The following KLC1 variants were observed in gnomAD, a reference collection of about 807,000 sequenced individuals.
The protein encoded by KLC1 is kinesin light chain 1.
In KLC1, 30 loss-of-function variants were observed where a neutral mutation model predicts 84.2. The observed-to-expected ratio is 0.36, with a 90% CI of 0.27 to 0.48. The LOEUF (loss-of-function observed/expected upper bound fraction) is 0.48. Among genes scored for constraint, KLC1 ranks in the 20% least tolerant of loss-of-function variants. KLC1 has a pLI of 0.99. For missense variants in KLC1, 499 were observed against 805.4 expected (o/e 0.62, Z 4.60); for synonymous variants, 289 against 293.3 (o/e 0.99, Z 0.15).
rs778626661 is a variant in KLC1, at chr14:103,699,218, G to A, written c.1849-1437G>A. The A allele has an allele frequency of 9.1e-6, 14 of 1,545,978 alleles. No individual in the cohort carries two copies. In the Admixed American group the frequency reaches 2.1e-4, roughly 23 times the overall value. On this transcript the variant is annotated intron_variant, in intron 15 of 16. Transcript: ENST00000334553. ...GTCCAGGTCAGCTGCAACGGCTGAGGGTCTTCTCGATGGTTAGGCACAGGC... is the reference window on the plus strand; with the variant it reads ...GTCCAGGTCAGCTGCAACGGCTGAGAGTCTTCTCGATGGTTAGGCACAGGC...
chr14:103,685,138 AAATT>A, intron 13 of KLC1: 2 of 1,475,212 alleles, frequency 1.4e-6, no homozygotes, highest in Non-Finnish European at 1.8e-6. Context: ...CTGCCTGTGG[AAATT>A]AATTTTCTTT....
intron 12 of KLC1, 172 bp from the exon 13 acceptor site, chr14:103,679,212 C>G: frequency 1.3e-6 from 1 of 777,378 alleles, no homozygotes; most frequent in East Asian, 2.6e-5. Context: ...CTTTGTGTTT[C>G]CAGTTCCCCG....
chr14:103,692,451 C>T (rs1201751073), intron 15 of KLC1, 26 bp downstream of exon 15: 1 of 1,533,378 alleles, frequency 6.5e-7, no homozygotes, highest in Admixed American at 2.0e-5. Context: ...CGAATTGTGT[C>T]CTAGGCTGCC....
At chr14:103,662,449 T>G (rs2079375336) in intron 4 of KLC1, among the ~76,000 whole-genome samples, 1 of 151,670 alleles carries the variant, frequency 6.6e-6, no homozygotes, top group Non-Finnish European at 1.5e-5. Flanking sequence ...GGTGAAGAGG[T>G]CAGAATTACT....
At chr14:103,687,395 T>C (rs946233273) in intron 14 of KLC1, among the ~76,000 whole-genome samples, 184 bp downstream of exon 14, 4 of 152,196 alleles carry the variant, frequency 2.6e-5, no homozygotes, top group African/African-American at 4.8e-5. Context: ...TGAGAAGTAA[T>C]TGGGTAACTT....
chr14:103,651,992 TC>T (rs992850759), intron 1 of KLC1, among the ~76,000 whole-genome samples: 1 of 152,194 alleles, frequency 6.6e-6, no homozygotes, highest in African/African-American at 2.4e-5. Flanking sequence ...AGCTTGCATG[TC>T]CCCAAGGGCG....
intron 5 of KLC1, among the ~76,000 whole-genome samples, chr14:103,663,471 A>G (rs2151587772): frequency 6.6e-6 from 1 of 152,296 alleles, no homozygotes; most frequent in Non-Finnish European, 1.5e-5. Flanking sequence ...AATAGACCAC[A>G]GTGTACCCCT....
rs773975448 is a variant in KLC1, at chr14:103,700,704, G to A, written c.1898G>A (p.Trp633Ter). 1.9e-6 allele frequency: 3 copies of A among 1,603,716 alleles called. No individual in the cohort carries two copies. Among genetic ancestry groups the A allele is most frequent in the Non-Finnish European group, 2.6e-6 (3 of 1,176,034 alleles). ...SFCGKRQQQQ[W>*]PGRRHR Reference sequence around the variant, plus strand: ...TGTGGAAAACGACAGCAGCAGCAGTGGCCTGGAAGACGCCACCGCTAACGT... The same window carrying A: ...TGTGGAAAACGACAGCAGCAGCAGTAGCCTGGAAGACGCCACCGCTAACGT... Residue 633 changes from tryptophan (W) to a stop codon, truncating the protein, a stop_gained, in exon 16 of 17, where the codon TGG (tryptophan) becomes TAG (stop). Coordinates refer to ENST00000334553, the MANE Select transcript of KLC1 (RefSeq NM_001394837.1). LOFTEE classifies it high-confidence loss of function.
At chr14:103,688,367 T>C (rs538149157) in intron 14 of KLC1, among the ~76,000 whole-genome samples, 2 of 152,148 alleles carry the variant, frequency 1.3e-5, no homozygotes, top group Non-Finnish European at 2.9e-5. Flanking sequence ...GCCAGGCTGG[T>C]CTCGAACTCC....
In KLC1 at chr14:103,675,555, A is replaced by G. The variant is rs1252219255; in HGVS notation, c.1265A>G (p.Glu422Gly). 4.3e-6 allele frequency: 7 copies of G among 1,611,702 alleles called. No individual in the cohort carries two copies. Among genetic ancestry groups the G allele is most frequent in the South Asian group, 1.1e-5 (1 of 90,844 alleles). The change falls in exon 10 of 17, where the codon GAA (glutamate) becomes GGA (glycine). Residue 422 changes from glutamate (E) to glycine (G), a missense_variant. By Grantham distance (98) the Glu-to-Gly change is moderately conservative. Coordinates refer to ENST00000334553, the MANE Select transcript of KLC1 (RefSeq NM_001394837.1). ...HEREFGSVDDENKPIWMHAEE... is the reference protein window; with the variant it reads ...HEREFGSVDDGNKPIWMHAEE... The stretch of plus-strand genomic sequence containing the variant: ...TATGCTGTGTTTTCTTCCCTAGATG[A>G]AAATAAACCCATCTGGATGCATGCT...
chr14:103,649,383 T>G (rs997418837), intron 1 of KLC1, among the ~76,000 whole-genome samples: 3 of 152,066 alleles, frequency 2.0e-5, no homozygotes, highest in African/African-American at 7.2e-5. Context: ...TATAGGGTTT[T>G]TTTGGTCTTC....
intron 7 of KLC1, 30 bp from the exon 8 acceptor site, chr14:103,672,984 T>A: frequency 6.2e-7 from 1 of 1,602,746 alleles, no homozygotes; most frequent in Non-Finnish European, 8.5e-7. Flanking sequence ...GCAGAACAAG[T>A]GTCTCTAATA....
chr14:103,634,735 CT>C (rs570758645), intron 1 of KLC1, among the ~76,000 whole-genome samples: 104 of 146,910 alleles, frequency 7.1e-4, no homozygotes, highest in East Asian at 5.9e-4. Context: ...TGACCTTTAA[CT>C]TTTTTTTTTT....
At chr14:103,634,793 C>T (rs531846615) in intron 1 of KLC1, among the ~76,000 whole-genome samples, 5 of 151,950 alleles carry the variant, frequency 3.3e-5, no homozygotes, top group African/African-American at 9.7e-5. Flanking sequence ...GTTTCCCAGG[C>T]TGGTCTCGAA....
intron 11 of KLC1, among the ~76,000 whole-genome samples, chr14:103,676,381 G>T (rs1297825077): frequency 1.3e-5 from 2 of 152,046 alleles, no homozygotes; most frequent in Non-Finnish European, 2.9e-5. Context: ...TGATTCTCCT[G>T]CCTCAGCCTC....
intron 1 of KLC1, among the ~76,000 whole-genome samples, chr14:103,630,671 G>T (rs2076604412): frequency 6.6e-6 from 1 of 152,184 alleles, no homozygotes; most frequent in Admixed American, 6.6e-5. Context: ...GCTTCTTTCA[G>T]GGATTGTCAG....
intron 15 of KLC1, chr14:103,697,091 G>C: frequency 2.0e-6 from 2 of 985,462 alleles, no homozygotes; most frequent in South Asian, 9.4e-5. Flanking sequence ...GTCTTGCCTA[G>C]AAAAGCATTT....
At chr14:103,650,052 A>C (rs2078298383) in intron 1 of KLC1, among the ~76,000 whole-genome samples, 3 of 151,954 alleles carry the variant, frequency 2.0e-5, no homozygotes, top group Non-Finnish European at 2.9e-5. Flanking sequence ...TTTACACTGG[A>C]GATTTTGCAT....
chr14:103,675,273 C>T (rs763455544), intron 9 of KLC1, among the ~76,000 whole-genome samples: 5 of 152,080 alleles, frequency 3.3e-5, no homozygotes, highest in East Asian at 1.9e-4. Flanking sequence ...TGCAGCGAGG[C>T]GGGATCACAC....
Sources: gnomAD v4.1 joint callset for allele counts (sites outside exome capture counted in the v4.1 genomes callset) on GRCh38, gnomAD v4.1.1 for gene constraint, MANE v1.5 for transcripts, NCBI Gene and HGNC (gene_info 2026-07-23, HGNC 2026-07-21) for gene names.